Variants in THOC1 observed in about 807,000 individuals in gnomAD.
The protein encoded by THOC1 is THO complex 1.
A neutral mutation model predicts 97.3 loss-of-function variants in THOC1; 29 were observed. That is an observed-to-expected ratio of 0.30 (90% CI 0.22 to 0.41). The LOEUF (loss-of-function observed/expected upper bound fraction) is 0.41, where lower values mean the gene tolerates loss of function less well. Among genes scored for constraint, THOC1 ranks in the 10% least tolerant of loss-of-function variants. THOC1 has a pLI of 1.00. For missense variants in THOC1, 529 were observed against 761.9 expected, an observed-to-expected ratio of 0.69 and a Z score of 3.60; for synonymous variants, 255 against 257.0, an observed-to-expected ratio of 0.99 and a Z score of 0.07.
In THOC1 at chr18:247,939, G is replaced by T; in HGVS notation, c.696C>A (p.Tyr232Ter). 6.3e-7 allele frequency: 1 copy of T among 1,595,828 alleles called. No individual in the cohort carries two copies. The highest frequency in any genetic ancestry group is 8.6e-7 in the Non-Finnish European group (1 of 1,169,286). The change falls in exon 10 of 21, where the codon TAC becomes TAA. Residue 232 changes from tyrosine to a stop codon, truncating the protein, a stop_gained. Coordinates refer to ENST00000261600, the MANE Select transcript of THOC1 (RefSeq NM_005131.3). LOFTEE classifies it high-confidence loss of function. ...GTGACCAGAATTTTCGATACAGGTT[G>T]TAATCAATTGGAATAGAGCTAATAA... ...APTTCSIPIDYNLYRKFWSLQ... is the reference protein window; with the variant it reads ...APTTCSIPID
chr18:261,025 T>C (rs1912589234), intron 4 of THOC1: 1 of 152,206 alleles, frequency 6.6e-6, no homozygotes, highest in African/African-American at 2.4e-5. Flanking sequence ...TGTTGCTAAA[T>C]TGTCTTTGTG....
intron 3 of THOC1, 52 bp downstream of exon 3, chr18:265,251 C>A (rs911334069): frequency 1.4e-6 from 2 of 1,427,892 alleles, no homozygotes; most frequent in Admixed American, 2.6e-5. Context: ...TTTTAAATAA[C>A]ATGGTTTATT....
chr18:227,388 A>C (rs1212470232), intron 11 of THOC1, among the ~76,000 whole-genome samples: 4 of 152,202 alleles, frequency 2.6e-5, no homozygotes, highest in Non-Finnish European at 5.9e-5. Context: ...TGGCTAAAGA[A>C]GATACGGATA....
Position 268,032 on chromosome 18 carries a change from G to T in THOC1, c.-13C>A. The stretch of plus-strand genomic sequence containing the variant: ...GCGTCGGAGACATCTTCTCGGCTGC[G>T]CGTGCCCGCCACTGCGCTGCGGCGC... On this transcript the variant is annotated 5_prime_UTR_variant, in exon 1 of 21. Coordinates refer to ENST00000261600, the MANE Select transcript of THOC1 (RefSeq NM_005131.3). 6.4e-7 allele frequency: 1 copy of T among 1,568,052 alleles called. No individual in the cohort carries two copies. The highest frequency in any genetic ancestry group is 8.6e-7 in the Non-Finnish European group (1 of 1,156,702).
chr18:222,928 A>G (rs1326605106), intron 17 of THOC1, among the ~76,000 whole-genome samples: 1 of 151,292 alleles, frequency 6.6e-6, no homozygotes, highest in Non-Finnish European at 1.5e-5. Context: ...CCCATTCTCT[A>G]TTATTTCTTT....
intron 9 of THOC1, among the ~76,000 whole-genome samples, chr18:249,678 A>G (rs1912217238): frequency 6.6e-6 from 1 of 151,940 alleles, no homozygotes; most frequent in African/African-American, 2.4e-5. Context: ...GAAAAAAAAA[A>G]AAGCCGCAAA....
intron 9 of THOC1, among the ~76,000 whole-genome samples, chr18:249,539 G>A (rs1439111212): frequency 1.3e-5 from 2 of 152,074 alleles, no homozygotes; most frequent in African/African-American, 2.4e-5. Flanking sequence ...GTGCGTGCTT[G>A]TAGTCCCAGC....
chr18:243,482 G>A (rs1021902156), intron 11 of THOC1, among the ~76,000 whole-genome samples: 1 of 151,940 alleles, frequency 6.6e-6, no homozygotes, highest in African/African-American at 2.4e-5. Context: ...AGGTTGCAGT[G>A]AGCCAAGACC....
At chr18:257,369 T>G (rs1048052451) in intron 7 of THOC1, among the ~76,000 whole-genome samples, 1 of 152,170 alleles carries the variant, frequency 6.6e-6, no homozygotes, top group Non-Finnish European at 1.5e-5. Flanking sequence ...GTAAATACAT[T>G]ATAGTTAATG....
At chr18:261,179 A>C (rs1567857703) in intron 4 of THOC1, 1 of 152,204 alleles carries the variant, frequency 6.6e-6, no homozygotes, top group South Asian at 2.1e-4. Flanking sequence ...ATTTTTCTTA[A>C]GAAAAGGTCT....
chr18:259,621 A>C, intron 6 of THOC1, 61 bp downstream of exon 6: 2 of 1,213,918 alleles, frequency 1.6e-6, no homozygotes, highest in Non-Finnish European at 2.3e-6. Flanking sequence ...TAATTCAACC[A>C]TGTGTTTTTC....
chr18:237,066 C>T (rs1156556329), intron 11 of THOC1, among the ~76,000 whole-genome samples: 1 of 151,542 alleles, frequency 6.6e-6, no homozygotes, highest in Non-Finnish European at 1.5e-5. Flanking sequence ...CTGAAAAGAA[C>T]ACAGCTCTAC....
chr18:259,294 G>T lies in THOC1; in HGVS notation c.425-19C>A. The T allele has an allele frequency of 6.4e-7, 1 of 1,556,424 alleles. No individual in the cohort carries two copies. The highest frequency in any genetic ancestry group is 1.2e-5 in the South Asian group (1 of 86,102). On this transcript the variant is annotated intron_variant, in intron 6 of 20. Transcript: ENST00000261600. ...AGGAGATCTAACAATATATGAAAAT[G>T]AACGTTACACAGAAAAGATAATTCT...
intron 11 of THOC1, among the ~76,000 whole-genome samples, 159 bp from the exon 12 acceptor site, chr18:227,060 C>T (rs1911315397): frequency 6.6e-6 from 1 of 152,094 alleles, no homozygotes; most frequent in African/African-American, 2.4e-5. Flanking sequence ...CGCACAAGCC[C>T]AAAGACAGCC....
Position 225,401 on chromosome 18 carries a change from G to A in THOC1, c.1022C>T (p.Ser341Leu). 6.2e-7 allele frequency: 1 copy of A among 1,611,924 alleles called. No individual in the cohort carries two copies. Among genetic ancestry groups the A allele is most frequent in the Non-Finnish European group, 8.5e-7 (1 of 1,179,162 alleles). Residue 341 changes from serine to leucine, a missense_variant and splice_region_variant, in exon 13 of 21, where the codon TCA becomes TTA. Physicochemically the swap from Ser to Leu is moderately radical, Grantham distance 145. Coordinates refer to ENST00000261600, the MANE Select transcript of THOC1 (RefSeq NM_005131.3). ...TTGCTCATCAGTTAAAACATAGTTT[G>A]AACTAGGGAACAAAGCAATGAAAGC... ...YLKGQVKFKS[S>L]NYVLTDEQSL... is the part of the protein sequence containing the mutation.
intron 7 of THOC1, among the ~76,000 whole-genome samples, chr18:255,451 G>A (rs117810759): frequency 1.1e-3 from 161 of 152,308 alleles, no homozygotes; most frequent in Non-Finnish European, 2.0e-3. Context: ...GGATAGACAA[G>A]CAAACCAGCC....
intron 9 of THOC1, among the ~76,000 whole-genome samples, chr18:252,006 T>C (rs1445547452): frequency 6.6e-6 from 1 of 152,238 alleles, no homozygotes; most frequent in Non-Finnish European, 1.5e-5. Flanking sequence ...ACCTAACTTT[T>C]GTTTGTTAGC....
At chr18:220,213 C>A (rs1911030881) in intron 17 of THOC1, among the ~76,000 whole-genome samples, 1 of 152,140 alleles carries the variant, frequency 6.6e-6, no homozygotes, top group African/African-American at 2.4e-5. Context: ...TGTAGATGAA[C>A]TGATTTCTTT....
Position 247,929 on chromosome 18 carries a change from G to A in THOC1, c.706C>T (p.Arg236Ter), listed in dbSNP as rs1268575439. 2 of 1,603,896 alleles carry A rather than the reference G, an allele frequency of 1.2e-6. No individual in the cohort carries two copies. The highest frequency in any genetic ancestry group is 1.7e-6 in the Non-Finnish European group (2 of 1,175,770). The change falls in exon 10 of 21, where the codon CGA becomes TGA. Residue 236 changes from arginine (R) to a stop codon, truncating the protein, a stop_gained. Coordinates refer to ENST00000261600, the MANE Select transcript of THOC1 (RefSeq NM_005131.3). LOFTEE classifies it high-confidence loss of function. ...TAATCCTGAAGTGACCAGAATTTTC[G>A]ATACAGGTTGTAATCAATTGGAATA... Reference protein sequence around the residue: ...CSIPIDYNLYRKFWSLQDYFR... With the variant: ...CSIPIDYNLY
Sources: gnomAD v4.1 joint callset for allele counts (sites outside exome capture counted in the v4.1 genomes callset) on GRCh38, gnomAD v4.1.1 for gene constraint, MANE v1.5 for transcripts, NCBI Gene and HGNC (gene_info 2026-07-23, HGNC 2026-07-21) for gene names.